The following STIMATE variants were observed in gnomAD, a reference collection of about 807,000 sequenced individuals.
The protein encoded by STIMATE is STIM activating enhancer.
Under a neutral mutation model 36.7 loss-of-function variants are expected in STIMATE, and 15 were observed. The observed-to-expected ratio is 0.41, with a 90% CI of 0.27 to 0.63. STIMATE has a LOEUF of 0.63. STIMATE is among the 20% of genes least tolerant of loss of function. The probability of loss-of-function intolerance (pLI) is 0.32; values close to 1 mark genes in which losing one functional copy is unlikely to be tolerated. For synonymous variants in STIMATE, 163 were observed against 162.3 expected (o/e 1.00, Z -0.03); for missense variants, 305 against 397.3 (o/e 0.77, Z 1.98).
chr3:52,843,871 C>A (rs539470934), intron 5 of STIMATE, 73 bp from the exon 6 acceptor site: 16 of 1,596,986 alleles, frequency 1.0e-5, no homozygotes, highest in Admixed American at 3.4e-5. Flanking sequence ...TGGGTGGTAC[C>A]CATAGGCCCT....
At chr3:52,874,825 G>C (rs1191792044) in intron 1 of STIMATE, among the ~76,000 whole-genome samples, 1 of 152,206 alleles carries the variant, frequency 6.6e-6, no homozygotes, top group East Asian at 1.9e-4. Flanking sequence ...CTGGGCGACA[G>C]AGGGAGATTC....
At position 52,880,156 on chromosome 3, in the gene STIMATE, C is replaced by A. The variant is rs558367077; in HGVS notation, c.160+17135G>T. 2.0e-5 allele frequency among the ~76,000 whole-genome samples: 3 copies of A among 152,326 alleles called. No homozygotes were observed. The South Asian group carries it at 6.2e-4, about 32-fold the overall frequency. Reference sequence around the variant, plus strand: ...TCATGAGATCCTAGATAAAAGGAGGCTTAGGGCCCGGGTGGGGCCCTCCAA... The same window carrying A: ...TCATGAGATCCTAGATAAAAGGAGGATTAGGGCCCGGGTGGGGCCCTCCAA... On this transcript the variant is annotated intron_variant, in intron 1 of 7. Coordinates refer to ENST00000355083, the MANE Select transcript of STIMATE (RefSeq NM_198563.5).
rs1226403380 is a variant in STIMATE at position 52,843,771 on chromosome 3, G to C, written c.568C>G (p.Pro190Ala). 2 of 1,613,806 alleles carry C rather than the reference G, an allele frequency of 1.2e-6. No homozygotes were observed. The highest frequency in any genetic ancestry group is 2.7e-5 in the African/African-American group (2 of 74,876). Residue 190 changes from proline (P) to alanine (A), a missense_variant, in exon 6 of 8, where the codon CCA (proline) becomes GCA (alanine). Pro to Ala is a conservative substitution (Grantham distance 27). This residue lies in a region of STIMATE where 164 missense variants were observed against 257.9 expected (regional missense o/e 0.64). Coordinates refer to ENST00000355083, the MANE Select transcript of STIMATE (RefSeq NM_198563.5). ...ATGACGATGGCCAGCTTCAAGTCTG[G>C]GTTTTCAATGGGATTCAACAGGGCC... ...KVALLNPIEN[P>A]DLKLAIVMLI...
chr3:52,854,293 G>C (rs145168579), intron 2 of STIMATE, among the ~76,000 whole-genome samples: 1 of 152,304 alleles, frequency 6.6e-6, no homozygotes, highest in African/African-American at 2.4e-5. Flanking sequence ...CTCCTAGATA[G>C]CTTCAGGATG....
At chr3:52,858,835 C>T (rs1055441634) in intron 1 of STIMATE, among the ~76,000 whole-genome samples, 7 of 152,088 alleles carry the variant, frequency 4.6e-5, no homozygotes, top group African/African-American at 7.2e-5. Context: ...ACAGTACATA[C>T]GTTCAATACA....
At chr3:52,892,286 C>T (rs1453027145) in intron 1 of STIMATE, among the ~76,000 whole-genome samples, 1 of 152,172 alleles carries the variant, frequency 6.6e-6, no homozygotes, top group African/African-American at 2.4e-5. Context: ...CAGACAACTT[C>T]CTGTTGTCCT....
intron 7 of STIMATE, among the ~76,000 whole-genome samples, chr3:52,840,852 C>G (rs1352406536): frequency 1.3e-5 from 2 of 152,102 alleles, no homozygotes; most frequent in Non-Finnish European, 2.9e-5. Flanking sequence ...TGCGTGGCAC[C>G]ATGCCTGGTT....
chr3:52,866,896 G>C (rs1347501509), intron 1 of STIMATE, among the ~76,000 whole-genome samples: 1 of 152,234 alleles, frequency 6.6e-6, no homozygotes, highest in Admixed American at 6.5e-5. Flanking sequence ...ACTGTCTTGA[G>C]ATTAAACACT....
intron 1 of STIMATE, among the ~76,000 whole-genome samples, chr3:52,870,576 C>A (rs1238190105): frequency 6.6e-6 from 1 of 152,062 alleles, no homozygotes; most frequent in East Asian, 1.9e-4. Flanking sequence ...AAGTTCTAGG[C>A]CTGCCATCCT....
intron 3 of STIMATE, among the ~76,000 whole-genome samples, chr3:52,852,145 C>T (rs1701011648): frequency 1.3e-5 from 2 of 152,324 alleles, no homozygotes; most frequent in Non-Finnish European, 2.9e-5. Flanking sequence ...GCTCTGGGGG[C>T]TGCATGGAAG....
chr3:52,842,357 C>T (rs1284803037), intron 7 of STIMATE, among the ~76,000 whole-genome samples: 1 of 152,266 alleles, frequency 6.6e-6, no homozygotes, highest in Non-Finnish European at 1.5e-5. Flanking sequence ...GGATGAGTTT[C>T]CTCCTGCAAG....
intron 1 of STIMATE, among the ~76,000 whole-genome samples, chr3:52,860,502 G>A (rs545566645): frequency 3.9e-5 from 6 of 152,196 alleles, no homozygotes; most frequent in Admixed American, 6.5e-5. Flanking sequence ...GACCTCCACC[G>A]AGAACCCAGG....
chr3:52,896,269 C>G (rs1312381591), intron 1 of STIMATE, among the ~76,000 whole-genome samples: 1 of 152,204 alleles, frequency 6.6e-6, no homozygotes, highest in Non-Finnish European at 1.5e-5. Flanking sequence ...CAGGAACTCT[C>G]CACTCTGTCC....
chr3:52,859,162 C>CA (rs201031735), intron 1 of STIMATE, among the ~76,000 whole-genome samples: 10,979 of 82,926 alleles, frequency 0.13, 589 homozygotes, highest in Middle Eastern at 0.2. Flanking sequence ...GACTCCATCT[C>CA]AAAAAAAATA....
intron 6 of STIMATE, 141 bp from the exon 7 acceptor site, chr3:52,843,101 C>G (rs1700831119): frequency 7.1e-7 from 1 of 1,409,808 alleles, no homozygotes; most frequent in Non-Finnish European, 9.5e-7. Flanking sequence ...TCACCCTGCT[C>G]TCTCCCAAAG....
At chr3:52,864,031 GT>G (rs1195401116) in intron 1 of STIMATE, among the ~76,000 whole-genome samples, 2 of 152,254 alleles carry the variant, frequency 1.3e-5, no homozygotes, top group African/African-American at 4.8e-5. Context: ...AGCGCAAGCT[GT>G]TGGTGGATCT....
At chr3:52,849,111 C>T (rs557450529) in intron 4 of STIMATE, among the ~76,000 whole-genome samples, 65 of 152,304 alleles carry the variant, frequency 4.3e-4, no homozygotes, top group African/African-American at 1.3e-3. Flanking sequence ...GAATTCCATC[C>T]GCTCTCCCTC....
At chr3:52,868,851 C>T (rs1701355597) in intron 1 of STIMATE, among the ~76,000 whole-genome samples, 2 of 152,114 alleles carry the variant, frequency 1.3e-5, no homozygotes, top group Non-Finnish European at 2.9e-5. Flanking sequence ...AATTCCTGAC[C>T]ATAAGTGATC....
Position 52,870,281 on chromosome 3 carries a change from A to G in STIMATE, c.161-14837T>C, listed in dbSNP as rs577260396. Among the ~76,000 whole-genome samples, 10 of 152,228 alleles carry G rather than the reference A, an allele frequency of 6.6e-5. No homozygotes were observed. The South Asian group carries it at 1.2e-3, about 19-fold the overall frequency. ...CCTCTTTTTTTCTTTTAAATTATAA[A>G]TCATTGCAGTAAGTTTGGAAACCAG... On this transcript the variant is annotated intron_variant, in intron 1 of 7. Coordinates refer to ENST00000355083, the MANE Select transcript of STIMATE (RefSeq NM_198563.5).
Sources: allele counts gnomAD v4.1 joint callset (sites outside exome capture counted in the v4.1 genomes callset), GRCh38; gene constraint gnomAD v4.1.1; regional missense constraint gnomAD v4.1.1; transcripts MANE v1.5; gene names NCBI Gene and HGNC (gene_info 2026-07-23, HGNC 2026-07-21).